DNAH1: variants seen among roughly 807,000 people sequenced by gnomAD.
The protein encoded by DNAH1 is axonemal beta dynein heavy chain 1.
In DNAH1, 327 loss-of-function variants were observed where a neutral mutation model predicts 484.3. The observed-to-expected ratio is 0.68, with a 90% CI of 0.62 to 0.74. DNAH1 has a LOEUF of 0.74. DNAH1 is among the 30% of genes least tolerant of loss of function. The probability of loss-of-function intolerance (pLI) is 0.00; values close to 1 mark genes in which losing one functional copy is unlikely to be tolerated. For missense variants in DNAH1, 5,052 were observed against 5,546.8 expected (o/e 0.91, Z 2.83); for synonymous variants, 2,192 against 2,191.9 (o/e 1.00, Z 0.00).
Position 52,366,512 on chromosome 3 carries a change from C to G in DNAH1, c.5574C>G (p.Leu1858=). 6.2e-7 allele frequency: 1 copy of G among 1,602,436 alleles called. No individual in the cohort carries two copies. Among genetic ancestry groups the G allele is most frequent in the Non-Finnish European group, 8.5e-7 (1 of 1,174,948 alleles). ...AGACCACGGTGGTACGACACGGCCTCATGCTCGTCGGGCCCACAGGCTCCG... is the reference window on the plus strand; with the variant it reads ...AGACCACGGTGGTACGACACGGCCTGATGCTCGTCGGGCCCACAGGCTCCG... ...LYETTVVRHG[L]MLVGPTGSGK... is the part of the protein sequence containing the mutation. Residue 1858 remains leucine, a synonymous_variant, in exon 35 of 78, where the codon CTC becomes CTG. Coordinates refer to ENST00000420323, the MANE Select transcript of DNAH1 (RefSeq NM_015512.5).
rs780710128 is a variant in DNAH1, at chr3:52,386,859, C to G, written c.9003+6C>G. On this transcript the variant is annotated splice_donor_region_variant and intron_variant, in intron 56 of 77. Transcript: ENST00000420323. ...GCCTCTTCAAGTTTGACAAGGTAAG[C>G]ATGCCAGGCACCCTGGCCAGCCAGC... 23 of 1,550,498 alleles carry G rather than the reference C, an allele frequency of 1.5e-5. No individual in the cohort carries two copies. Among genetic ancestry groups the G allele is most frequent in the Non-Finnish European group, 1.9e-5 (22 of 1,147,798 alleles).
chr3:52,393,272 G>A lies in DNAH1; in HGVS notation c.10475-62G>A, dbSNP rs577896261. On this transcript the variant is annotated intron_variant, in intron 65 of 77. Transcript: ENST00000420323. ...CTGGGGAGACTGGCTAGGCTGGGCTGGACCCCGGGGCTCTTCCTTCCTCTC... is the reference window on the plus strand; with the variant it reads ...CTGGGGAGACTGGCTAGGCTGGGCTAGACCCCGGGGCTCTTCCTTCCTCTC... 8.7e-6 allele frequency: 14 copies of A among 1,600,758 alleles called. No homozygotes were observed. The African/African-American group carries it at 1.9e-4, about 21-fold the overall frequency.
At position 52,392,942 on chromosome 3, in the gene DNAH1, C is replaced by T. The variant is rs776230117; in HGVS notation, c.10391C>T (p.Ala3464Val). 6 of 1,613,568 alleles carry T rather than the reference C, an allele frequency of 3.7e-6. No individual in the cohort carries two copies. In the African/African-American group the frequency reaches 4.0e-5, roughly 11 times the overall value. The change falls in exon 65 of 78, where the codon GCC becomes GTC. Residue 3464 changes from alanine to valine, a missense_variant. By Grantham distance (64) the Ala-to-Val change is moderately conservative. This residue lies in a region of DNAH1 where 2,929 missense variants were observed against 3,409.4 expected (regional missense o/e 0.86). Coordinates refer to ENST00000420323, the MANE Select transcript of DNAH1 (RefSeq NM_015512.5). ...QILFFCVSDL[A>V]NVDPMYQYSL... The stretch of plus-strand genomic sequence containing the variant: ...CTCTTCTTCTGTGTGTCCGACCTGG[C>T]CAACGTGGACCCCATGTACCAGTAC...
In DNAH1 at chr3:52,379,015, C is replaced by T. The variant is rs1057355992; in HGVS notation, c.7377+235C>T. ...ATCACATGAGAGAGCCAGGGCAAGACGAGGGAGAAAGAGGGCTTCTGGTTT... is the reference window on the plus strand; with the variant it reads ...ATCACATGAGAGAGCCAGGGCAAGATGAGGGAGAAAGAGGGCTTCTGGTTT... On this transcript the variant is annotated intron_variant, in intron 47 of 77. Coordinates refer to ENST00000420323, the MANE Select transcript of DNAH1 (RefSeq NM_015512.5). The surrounding 1 kb of genome is among the most constrained non-coding windows in gnomAD (Gnocchi z 4.4). Among the ~76,000 whole-genome samples the T allele has an allele frequency of 4.6e-5, 7 of 152,114 alleles. No homozygotes were observed. Among genetic ancestry groups the T allele is most frequent in the East Asian group, 1.9e-4 (1 of 5,188 alleles).
In DNAH1 at chr3:52,364,495, A is replaced by T; in HGVS notation, c.5245-143A>T. 1 of 895,812 alleles carries T rather than the reference A, an allele frequency of 1.1e-6. No homozygotes were observed. Among genetic ancestry groups the T allele is most frequent in the Non-Finnish European group, 1.8e-6 (1 of 555,878 alleles). The allele number at this position is 895,812 out of a possible 1,614,324, so 55.5% of individuals were successfully genotyped here. ...GTGCACCTGCCCAGGCTGGGCATGT[A>T]GGTGGTCCCAGCAGGTCTGCAAGGG... On this transcript the variant is annotated intron_variant, in intron 32 of 77. Coordinates refer to ENST00000420323, the MANE Select transcript of DNAH1 (RefSeq NM_015512.5). The surrounding 1 kb of genome is among the most constrained non-coding windows in gnomAD (Gnocchi z 4.2).
chr3:52,393,581 G>GGCACC (rs2153225652), intron 66 of DNAH1, 96 bp downstream of exon 66: 2 of 1,539,490 alleles, frequency 1.3e-6, no homozygotes, highest in East Asian at 4.7e-5. Context: ...CAGGCATGAA[G>GGCACC]GCACCGCGAG....
chr3:52,382,362 C>T lies in DNAH1; in HGVS notation c.7848C>T (p.Tyr2616=), dbSNP rs113529103. 5,831 of 1,613,994 alleles carry T rather than the reference C, an allele frequency of 3.6e-3. 174 individuals are homozygous for T. The African/African-American group carries it at 0.066, about 18-fold the overall frequency. The part of the protein sequence containing the change: ...ECFQIELSKN[Y]GMSEWRDDVK... ...TCCAGATTGAACTATCCAAGAACTA[C>T]GGCATGTCCGAGTGGCGAGATGATG... Residue 2616 remains tyrosine (Y), a synonymous_variant, in exon 50 of 78, where the codon TAC becomes TAT. Coordinates refer to ENST00000420323, the MANE Select transcript of DNAH1 (RefSeq NM_015512.5).
Position 52,359,346 on chromosome 3 carries a change from G to A in DNAH1, c.4367G>A (p.Gly1456Asp), listed in dbSNP as rs777092810. The change falls in exon 26 of 78, where the codon GGC (glycine) becomes GAC (aspartate). Residue 1456 changes from glycine to aspartate, a missense_variant. This residue lies in a region of DNAH1 where 2,929 missense variants were observed against 3,409.4 expected (regional missense o/e 0.86). Transcript: ENST00000420323. Reference sequence around the variant, plus strand: ...GAGGTGGCAGAGGCTCTGGAGGCCGGCAACCTCAGAAGCCAACTGTTCCCC... The same window carrying A: ...GAGGTGGCAGAGGCTCTGGAGGCCGACAACCTCAGAAGCCAACTGTTCCCC... ...TMEVAEALEAGNLRSQLFPQL... is the reference protein window; with the variant it reads ...TMEVAEALEADNLRSQLFPQL... 2 of 1,570,568 alleles carry A rather than the reference G, an allele frequency of 1.3e-6. No individual in the cohort carries two copies. The highest frequency in any genetic ancestry group is 1.2e-5 in the South Asian group (1 of 85,434).
In DNAH1 at chr3:52,378,714, C is replaced by G. The variant is rs377529523; in HGVS notation, c.7311C>G (p.Thr2437=). Residue 2437 remains threonine (T), a synonymous_variant, in exon 47 of 78, where the codon ACC becomes ACG. Transcript: ENST00000420323. ...CCACTCCAGCCAAGTCCCACTACAC[C>G]TTCAACCTGAGGGACCTCTCCAAGG... is the stretch of plus-strand genomic sequence containing the variant. ...LLPTPAKSHY[T]FNLRDLSKVF... The G allele has an allele frequency of 1.2e-5, 19 of 1,613,700 alleles. No individual in the cohort carries two copies. The African/African-American group carries it at 2.1e-4, about 18-fold the overall frequency.
chr3:52,373,698 T>C (rs1703457600), intron 44 of DNAH1: 13 of 1,363,750 alleles, frequency 9.5e-6, no homozygotes, highest in Admixed American at 3.4e-5. Context: ...CCAGAAGTTA[T>C]GTCAGTGTTG....
intron 32 of DNAH1, 104 bp downstream of exon 32, chr3:52,363,248 G>T: frequency 6.9e-7 from 1 of 1,453,432 alleles, no homozygotes; most frequent in Non-Finnish European, 9.3e-7. Context: ...GTGCTTTACA[G>T]GCATTACCTT....
rs74789062 is a variant in DNAH1 at position 52,322,826 on chromosome 3, C to T, written c.333+51C>T. 4.6e-4 allele frequency: 671 copies of T among 1,467,744 alleles called. 2 individuals carry two copies. In the African/African-American group the frequency reaches 8.0e-3, roughly 18 times the overall value. The allele number at this position is 1,467,744 out of a possible 1,614,324, so 90.9% of individuals were successfully genotyped here. A position where few individuals can be genotyped will look rare whatever the true frequency, so the allele number is the denominator to read the frequency against. On this transcript the variant is annotated intron_variant, in intron 2 of 77. Coordinates refer to ENST00000420323, the MANE Select transcript of DNAH1 (RefSeq NM_015512.5). ...AAGCCTCAACCCTTCCTCTGGGCTC[C>T]GTTCACCCATCCTTTCATCCTTCTC...
At chr3:52,357,482 A>G in intron 22 of DNAH1, 132 bp from the exon 23 acceptor site, 1 of 1,207,770 alleles carries the variant, frequency 8.3e-7, no homozygotes, top group South Asian at 1.6e-5. Context: ...TGGCTCAGGG[A>G]GAATTTTTCT....
In DNAH1 at chr3:52,395,616, C is replaced by T. The variant is rs752134147; in HGVS notation, c.11197C>T (p.His3733Tyr). The change falls in exon 70 of 78, where the codon CAC becomes TAC. Residue 3733 changes from histidine to tyrosine, a missense_variant. Transcript: ENST00000420323. The surrounding 1 kb of genome is among the most constrained non-coding windows in gnomAD (Gnocchi z 4.4). The part of the protein sequence containing the change: ...RGKWVFFQNC[H>Y]LAPSWMPALE... ...CAAATGGGTCTTCTTCCAGAACTGCCACCTGGCACCAAGCTGGATGCCAGC... is the reference window on the plus strand; with the variant it reads ...CAAATGGGTCTTCTTCCAGAACTGCTACCTGGCACCAAGCTGGATGCCAGC... The T allele has an allele frequency of 1.2e-6, 2 of 1,613,894 alleles. No individual in the cohort carries two copies. The highest frequency in any genetic ancestry group is 1.7e-6 in the Non-Finnish European group (2 of 1,179,890).
At chr3:52,322,247 G>A (rs1701175133) in intron 1 of DNAH1, among the ~76,000 whole-genome samples, 162 bp from the exon 2 acceptor site, 8 of 152,028 alleles carry the variant, frequency 5.3e-5, no homozygotes, top group Admixed American at 5.2e-4. Context: ...GGTACTGTAT[G>A]CCTGTCCAGA....
rs1701362928 is a variant in DNAH1, at chr3:52,326,839, A to G, written c.686A>G (p.Gln229Arg). The change falls in exon 5 of 78, where the codon CAA becomes CGA. Residue 229 changes from glutamine to arginine, a missense_variant. This residue lies in a region of DNAH1 where 1,263 missense variants were observed against 1,218.8 expected (regional missense o/e 1.04). Coordinates refer to ENST00000420323, the MANE Select transcript of DNAH1 (RefSeq NM_015512.5). The part of the protein sequence containing the change: ...MPRHLDHQHP[Q>R]TIEQGHDPIF... ...AGGCACCTGGACCACCAGCACCCCC[A>G]AACCATCGAACAGGGCCATGACCCA... 1.2e-6 allele frequency: 2 copies of G among 1,613,362 alleles called. No individual in the cohort carries two copies. Among genetic ancestry groups the G allele is most frequent in the South Asian group, 2.2e-5 (2 of 91,014 alleles).
Position 52,350,609 on chromosome 3 carries a change from C to T in DNAH1, c.2729+19C>T. 1 of 1,611,644 alleles carries T rather than the reference C, an allele frequency of 6.2e-7. No homozygotes were observed. Among genetic ancestry groups the T allele is most frequent in the Non-Finnish European group, 8.5e-7 (1 of 1,178,648 alleles). On this transcript the variant is annotated intron_variant, in intron 16 of 77. Transcript: ENST00000420323. ...ATGACAAGTGAGTGGGAGCTTGGCCCCCATGCCAGGTGCGGGGTGGAGCAT... is the reference window on the plus strand; with the variant it reads ...ATGACAAGTGAGTGGGAGCTTGGCCTCCATGCCAGGTGCGGGGTGGAGCAT...
chr3:52,350,476 C>T (rs980575433), intron 15 of DNAH1, 32 bp from the exon 16 acceptor site: 7 of 1,604,216 alleles, frequency 4.4e-6, no homozygotes, highest in African/African-American at 2.7e-5. Context: ...CCCTGGCACA[C>T]GTGAAGTTCT....
intron 44 of DNAH1, chr3:52,373,922 G>A: frequency 2.2e-6 from 3 of 1,347,446 alleles, no homozygotes; most frequent in Admixed American, 3.5e-5. Flanking sequence ...TTGACTCAGA[G>A]GAAGATGAAC....
Sources: allele counts gnomAD v4.1 joint callset (sites outside exome capture counted in the v4.1 genomes callset), GRCh38; gene constraint gnomAD v4.1.1; regional missense constraint gnomAD v4.1.1; non-coding constraint Gnocchi (gnomAD v3.1); transcripts MANE v1.5; gene names NCBI Gene and HGNC (gene_info 2026-07-23, HGNC 2026-07-21).